Variants in CLDN12 observed in about 807,000 individuals in gnomAD.
CLDN12 encodes claudin-12.
CLDN12 carries 9 observed loss-of-function variants against 15.5 expected under a neutral mutation model. The ratio of observed to expected loss-of-function variants is 0.58; its 90% CI spans 0.35 to 1.02. The LOEUF (loss-of-function observed/expected upper bound fraction) is 1.02. Ranked by LOEUF, CLDN12 falls within the 50% of genes least tolerant of loss-of-function variation. The pLI, the probability that CLDN12 is intolerant of heterozygous loss-of-function variation, is 0.02. For missense variants in CLDN12, 233 were observed against 297.3 expected (o/e 0.78, Z 1.59); for synonymous variants, 140 against 121.6 (o/e 1.15, Z -1.00).
intron 2 of CLDN12, 34 bp from the exon 3 acceptor site, chr7:90,411,973 C>T (rs1796972896): frequency 6.6e-6 from 1 of 152,196 alleles, no homozygotes; most frequent in Admixed American, 6.5e-5. Context: ...AACAACCCTG[C>T]AAGGTTGGCA....
At position 90,412,817 on chromosome 7, in the gene CLDN12, C is replaced by T; in HGVS notation, c.141C>T (p.Asn47=). 1 of 1,614,194 alleles carries T rather than the reference C, an allele frequency of 6.2e-7. No individual in the cohort carries two copies. Among genetic ancestry groups the T allele is most frequent in the Non-Finnish European group, 8.5e-7 (1 of 1,180,024 alleles). Residue 47 remains asparagine (N), a synonymous_variant, in exon 4 of 4, where the codon AAC becomes AAT. Coordinates refer to ENST00000496677, the MANE Select transcript of CLDN12 (RefSeq NM_001185072.3). Reference sequence around the variant, plus strand: ...TCACATTCAACAGAAACGAGAAGAACCTGACTGTTTACACAGGCCTGTGGG... The same window carrying T: ...TCACATTCAACAGAAACGAGAAGAATCTGACTGTTTACACAGGCCTGTGGG... ...RLITFNRNEK[N]LTVYTGLWVK... is the part of the protein sequence containing the mutation.
intron 2 of CLDN12, among the ~76,000 whole-genome samples, chr7:90,406,724 C>A (rs1796844305): frequency 6.6e-6 from 1 of 152,140 alleles, no homozygotes. Context: ...TTATTCAGGT[C>A]TTTGGTCTCC....
intron 3 of CLDN12, 98 bp from the exon 4 acceptor site, chr7:90,412,546 C>T: frequency 3.2e-6 from 3 of 941,800 alleles, no homozygotes; most frequent in Non-Finnish European, 3.2e-6. Context: ...TTTGCATTGA[C>T]ATTTCATCAT....
intron 1 of CLDN12, among the ~76,000 whole-genome samples, chr7:90,403,834 C>G (rs981388980): frequency 6.6e-6 from 1 of 152,036 alleles, no homozygotes; most frequent in African/African-American, 2.4e-5. Flanking sequence ...CCAGCTGATG[C>G]TGGTTGCGTA....
At chr7:90,409,862 A>G (rs1216826093) in intron 2 of CLDN12, among the ~76,000 whole-genome samples, 1 of 152,190 alleles carries the variant, frequency 6.6e-6, no homozygotes, top group Admixed American at 6.5e-5. Context: ...TCCAGTTATC[A>G]GTGGTCTTGG....
rs1449383814 is a variant in CLDN12, at chr7:90,413,837, T to G, written c.*426T>G. The G allele has an allele frequency of 2.2e-5, 22 of 1,001,868 alleles. No individual in the cohort carries two copies. The highest frequency in any genetic ancestry group is 2.6e-5 in the Non-Finnish European group (22 of 830,918). 62.1% of individuals were successfully genotyped at this position (1,001,868 alleles called of 1,614,324 possible). ...CAGTTTCAAATATAAGAAATTTATT[T>G]CAGGTAAGGGTAATATTTTAATAGT... On this transcript the variant is annotated 3_prime_UTR_variant, in exon 4 of 4. Coordinates refer to ENST00000496677, the MANE Select transcript of CLDN12 (RefSeq NM_001185072.3).
At chr7:90,405,138 C>T (rs189513578) in intron 1 of CLDN12, among the ~76,000 whole-genome samples, 3 of 152,306 alleles carry the variant, frequency 2.0e-5, no homozygotes, top group East Asian at 1.9e-4. Flanking sequence ...TCTCAGCTCA[C>T]GGTAACCTCC....
intron 2 of CLDN12, among the ~76,000 whole-genome samples, chr7:90,411,266 C>G (rs980544127): frequency 1.3e-5 from 2 of 152,142 alleles, no homozygotes; most frequent in Non-Finnish European, 2.9e-5. Context: ...CAACCTTGCC[C>G]CTTCATCATG....
intron 2 of CLDN12, among the ~76,000 whole-genome samples, chr7:90,409,542 A>C (rs1321423898): frequency 6.6e-6 from 1 of 152,222 alleles, no homozygotes; most frequent in Admixed American, 6.5e-5. Flanking sequence ...TTCTGAAAGC[A>C]AGAAGGAATT....
chr7:90,411,412 A>G (rs1346481784), intron 2 of CLDN12, among the ~76,000 whole-genome samples: 1 of 152,242 alleles, frequency 6.6e-6, no homozygotes, highest in Non-Finnish European at 1.5e-5. Context: ...TTAAAGCTGA[A>G]TAAGATGCAA....
intron 2 of CLDN12, among the ~76,000 whole-genome samples, chr7:90,410,858 A>G (rs774192978): frequency 6.6e-6 from 1 of 151,988 alleles, no homozygotes; most frequent in Non-Finnish European, 1.5e-5. Context: ...TTAGCTGAAC[A>G]TAGTGACGTG....
chr7:90,406,125 A>G (rs545229678), intron 2 of CLDN12: 3 of 152,376 alleles, frequency 2.0e-5, no homozygotes, highest in South Asian at 2.1e-4. Context: ...GCTAGCTGCT[A>G]TTAGACATAT....
intron 2 of CLDN12, among the ~76,000 whole-genome samples, chr7:90,406,529 A>C (rs1796839554): frequency 6.6e-6 from 1 of 152,228 alleles, no homozygotes; most frequent in Non-Finnish European, 1.5e-5. Context: ...GTATGTTTCT[A>C]GCTGAAAAAA....
intron 2 of CLDN12, among the ~76,000 whole-genome samples, chr7:90,409,766 T>C (rs776743834): frequency 2.6e-5 from 4 of 152,236 alleles, no homozygotes; most frequent in Middle Eastern, 3.2e-3. Context: ...GTAGTAATTA[T>C]ACAGTTGATT....
Position 90,414,464 on chromosome 7 carries a change from A to C in CLDN12, c.*1053A>C, listed in dbSNP as rs575067068. On this transcript the variant is annotated 3_prime_UTR_variant, in exon 4 of 4. Transcript: ENST00000496677. ...CTTTAGTAGGTGCTATAGAGGATAC[A>C]TGAAAAGTATGAGATCTGGTTCCAT... The C allele has an allele frequency of 1.1e-6, 1 of 875,870 alleles. No individual in the cohort carries two copies. The highest frequency in any genetic ancestry group is 1.4e-6 in the Non-Finnish European group (1 of 716,610). 54.3% of individuals were successfully genotyped at this position (875,870 alleles called of 1,614,324 possible).
rs148280824 is a variant in CLDN12, at chr7:90,407,578, G to C, written c.-77+1970G>C. 6.4e-3 allele frequency among the ~76,000 whole-genome samples: 969 copies of C among 152,198 alleles called. 5 individuals carry two copies. The highest frequency in any genetic ancestry group is 0.024 in the Middle Eastern group (7 of 294). On this transcript the variant is annotated intron_variant, in intron 2 of 3. Coordinates refer to ENST00000496677, the MANE Select transcript of CLDN12 (RefSeq NM_001185072.3). Reference sequence around the variant, plus strand: ...CTTTTATGTGCCAGTATAGGGAACAGTGAACAAAACAAAGGGATCTCTGTC... The same window carrying C: ...CTTTTATGTGCCAGTATAGGGAACACTGAACAAAACAAAGGGATCTCTGTC...
In CLDN12 at chr7:90,412,689, G is replaced by A; in HGVS notation, c.13G>A (p.Asp5Asn). Reference protein sequence around the residue: MGCRDVHAATVLSFL... With the variant: MGCRNVHAATVLSFL... ...AAGCTTGCCTGCCATGGGCTGTCGG[G>A]ATGTCCACGCAGCCACAGTCCTTTC... The change falls in exon 4 of 4, where the codon GAT becomes AAT. Residue 5 changes from aspartate (D) to asparagine (N), a missense_variant. Coordinates refer to ENST00000496677, the MANE Select transcript of CLDN12 (RefSeq NM_001185072.3). The A allele has an allele frequency of 1.2e-6, 2 of 1,612,912 alleles. No individual in the cohort carries two copies. The highest frequency in any genetic ancestry group is 1.7e-6 in the Non-Finnish European group (2 of 1,179,438).
chr7:90,410,784 C>T (rs1295047020), intron 2 of CLDN12, among the ~76,000 whole-genome samples: 7 of 151,728 alleles, frequency 4.6e-5, no homozygotes, highest in Admixed American at 4.6e-4. Context: ...ATTGCTTGAG[C>T]CCAGGAGTTC....
chr7:90,412,854 C>G lies in CLDN12; in HGVS notation c.178C>G (p.Arg60Gly). 6.2e-7 allele frequency: 1 copy of G among 1,614,178 alleles called. No homozygotes were observed. Among genetic ancestry groups the G allele is most frequent in the East Asian group, 2.2e-5 (1 of 44,880 alleles). ...VYTGLWVKCA[R>G]YDGSSDCLMY... ...CACAGGCCTGTGGGTGAAATGTGCC[C>G]GGTATGACGGGAGCAGTGACTGCCT... The change falls in exon 4 of 4, where the codon CGG becomes GGG. Residue 60 changes from arginine (R) to glycine (G), a missense_variant. Coordinates refer to ENST00000496677, the MANE Select transcript of CLDN12 (RefSeq NM_001185072.3).
Sources: allele counts gnomAD v4.1 joint callset (sites outside exome capture counted in the v4.1 genomes callset), GRCh38; gene constraint gnomAD v4.1.1; transcripts MANE v1.5; gene names NCBI Gene and HGNC (gene_info 2026-07-23, HGNC 2026-07-21).